Variants in SPATA13 observed in about 807,000 individuals in gnomAD.
SPATA13 encodes the protein spermatogenesis associated 13.
Under a neutral mutation model 104.0 loss-of-function variants are expected in SPATA13, and 50 were observed. The observed-to-expected ratio is 0.48, with a 90% confidence interval of 0.38 to 0.61. The LOEUF (loss-of-function observed/expected upper bound fraction) is 0.61. SPATA13 is among the 20% of genes least tolerant of loss of function. The pLI is 0.00. For synonymous variants in SPATA13, 606 were observed against 667.5 expected (o/e 0.91, Z 1.42); for missense variants, 1,524 against 1,690.6 (o/e 0.90, Z 1.73).
At chr13:24,009,780 G>A (rs992576488) in intron 2 of SPATA13, among the ~76,000 whole-genome samples, 1 of 152,182 alleles carries the variant, frequency 6.6e-6, no homozygotes, top group African/African-American at 2.4e-5. Flanking sequence ...CAGACTTAAG[G>A]TCTGTTGATG....
At position 24,306,270 on chromosome 13, in the gene SPATA13, A is replaced by C. The variant is rs750308987; in HGVS notation, c.*3497A>C. The C allele has an allele frequency of 6.6e-6, 1 of 152,254 alleles. No individual in the cohort carries two copies. The allele number at this position is 152,254 out of a possible 1,614,324, so 9.4% of individuals were successfully genotyped here. ...CTGAACCAGCATTTTATCAGGTGGAAATCTCTGCAAGCCAAATTGCTGATA... is the reference window on the plus strand; with the variant it reads ...CTGAACCAGCATTTTATCAGGTGGACATCTCTGCAAGCCAAATTGCTGATA... On this transcript the variant is annotated 3_prime_UTR_variant, in exon 13 of 13. Transcript: ENST00000382108.
At chr13:24,024,356 C>CGGAT (rs71070644) in intron 3 of SPATA13, among the ~76,000 whole-genome samples, 104 of 150,996 alleles carry the variant, frequency 6.9e-4, no homozygotes, top group African/African-American at 1.4e-3. Flanking sequence ...AATGGATGGA[C>CGGAT]GGATGGATGG....
intron 3 of SPATA13, chr13:24,122,402 G>C (rs745880472): frequency 6.5e-4 from 1,022 of 1,582,406 alleles, no homozygotes; most frequent in Non-Finnish European, 7.9e-4. Context: ...TAGCCTTCCA[G>C]AGCAGTCTCT....
chr13:24,205,421 A>G lies in SPATA13; in HGVS notation c.-111-17398A>G, dbSNP rs968779247. On this transcript the variant is annotated intron_variant, in intron 1 of 12. Transcript: ENST00000382108. The surrounding 1 kb of genome is among the most constrained non-coding windows in gnomAD (Gnocchi z 4.1). ...ACCTCTTCAAGGAGAATTACAAACC[A>G]CTGCTCAAAGAAATCAGAGATGCAA... Among the ~76,000 whole-genome samples the G allele has an allele frequency of 2.0e-5, 3 of 152,192 alleles. No homozygotes were observed. The highest frequency in any genetic ancestry group is 4.4e-5 in the Non-Finnish European group (3 of 68,038).
At chr13:23,985,384 TG>T (rs1315196443) in intron 2 of SPATA13, among the ~76,000 whole-genome samples, 4 of 152,264 alleles carry the variant, frequency 2.6e-5, no homozygotes, top group Admixed American at 2.6e-4. Flanking sequence ...ACGGCTGATG[TG>T]GGGGCTCAGT....
intron 1 of SPATA13, among the ~76,000 whole-genome samples, chr13:24,218,876 T>A (rs1871408149): frequency 1.3e-5 from 2 of 152,072 alleles, no homozygotes. Context: ...TTTTGTACAT[T>A]TAATCTGTTC....
At chr13:24,300,587 G>C (rs1877114716) in intron 12 of SPATA13, 112 bp downstream of exon 12, 2 of 988,240 alleles carry the variant, frequency 2.0e-6, no homozygotes, top group Non-Finnish European at 3.2e-6. Context: ...GAGAACAGTA[G>C]AAGTTAGAAC....
chr13:24,073,806 G>A (rs1205725496), intron 3 of SPATA13, among the ~76,000 whole-genome samples: 4 of 152,226 alleles, frequency 2.6e-5, no homozygotes, highest in Admixed American at 2.6e-4. Context: ...TCAGGGAGAT[G>A]TGGGAGGGAG....
intron 3 of SPATA13, among the ~76,000 whole-genome samples, chr13:24,090,448 AC>A (rs1369327549): frequency 1.3e-5 from 2 of 152,130 alleles, no homozygotes; most frequent in Non-Finnish European, 2.9e-5. Context: ...TATCTTCCCC[AC>A]AAACATGAGC....
chr13:24,176,154 A>G (rs1450274462), intron 1 of SPATA13, among the ~76,000 whole-genome samples: 1 of 152,158 alleles, frequency 6.6e-6, no homozygotes, highest in Non-Finnish European at 1.5e-5. Context: ...CTCAGGCTTT[A>G]TATCCATTTT....
intron 1 of SPATA13, among the ~76,000 whole-genome samples, chr13:24,167,290 T>TA (rs1566129575): frequency 2.0e-5 from 3 of 152,216 alleles, no homozygotes. Context: ...GTCTGTTGTG[T>TA]AATGAATGCT....
At chr13:24,186,775 G>A (rs1869178836) in intron 1 of SPATA13, among the ~76,000 whole-genome samples, 2 of 152,188 alleles carry the variant, frequency 1.3e-5, no homozygotes, top group South Asian at 4.1e-4. Flanking sequence ...CAACGCTATT[G>A]AGGCGGTTGA....
At chr13:24,141,161 G>A (rs1881748538) in intron 3 of SPATA13, among the ~76,000 whole-genome samples, 1 of 140,344 alleles carries the variant, frequency 7.1e-6, no homozygotes, top group South Asian at 2.5e-4. Flanking sequence ...GTGGCAGAGT[G>A]AGACTCTGGC....
At chr13:24,126,083 T>G (rs553691621) in intron 3 of SPATA13, among the ~76,000 whole-genome samples, 1 of 152,290 alleles carries the variant, frequency 6.6e-6, no homozygotes, top group South Asian at 2.1e-4. Flanking sequence ...TTCTGATGCA[T>G]TCTAGAAGTG....
intron 1 of SPATA13, among the ~76,000 whole-genome samples, chr13:24,174,663 G>A (rs559708182): frequency 3.9e-5 from 6 of 151,994 alleles, no homozygotes; most frequent in Non-Finnish European, 7.4e-5. Flanking sequence ...TGCAACCTCC[G>A]CCTCCCAGGT....
At chr13:24,064,144 C>G (rs1447115951) in intron 3 of SPATA13, among the ~76,000 whole-genome samples, 3 of 152,198 alleles carry the variant, frequency 2.0e-5, no homozygotes, top group Non-Finnish European at 2.9e-5. Flanking sequence ...TCAGGCCACT[C>G]CAGATTATTT....
chr13:24,097,592 A>G (rs939718330), intron 3 of SPATA13, among the ~76,000 whole-genome samples: 7 of 152,216 alleles, frequency 4.6e-5, no homozygotes, highest in African/African-American at 1.4e-4. Context: ...CAACTCATGG[A>G]CGACACTTAC....
intron 2 of SPATA13, among the ~76,000 whole-genome samples, chr13:24,225,881 C>T (rs149883376): frequency 3.3e-5 from 5 of 152,316 alleles, no homozygotes; most frequent in African/African-American, 9.6e-5. Flanking sequence ...AGTGTTACAG[C>T]TCCTTTCGCT....
At chr13:24,155,024 G>T (rs1032509178) in intron 3 of SPATA13, among the ~76,000 whole-genome samples, 21 of 152,102 alleles carry the variant, frequency 1.4e-4, no homozygotes, top group Non-Finnish European at 2.6e-4. Context: ...TGCCCAGCTG[G>T]TTTTTGTGTT....
Sources: gnomAD v4.1 joint callset for allele counts (sites outside exome capture counted in the v4.1 genomes callset) on GRCh38, gnomAD v4.1.1 for gene constraint, Gnocchi (gnomAD v3.1) non-coding constraint, MANE v1.5 for transcripts, NCBI Gene and HGNC (gene_info 2026-07-23, HGNC 2026-07-21) for gene names.